The following IRF1 variants were observed in gnomAD, a reference collection of about 807,000 sequenced individuals.
IRF1 encodes the protein interferon regulatory factor-1.
In IRF1, 13 loss-of-function variants were observed where a neutral mutation model predicts 43.7. The observed-to-expected ratio is 0.30, with a 90% CI of 0.19 to 0.47. The LOEUF is 0.47. IRF1 is among the 20% of genes least tolerant of loss of function. The probability of loss-of-function intolerance (pLI) is 0.99; values close to 1 mark genes in which losing one functional copy is unlikely to be tolerated. For missense variants in IRF1, 236 were observed against 408.9 expected (o/e 0.58, Z 3.65); for synonymous variants, 138 against 146.8 (o/e 0.94, Z 0.43).
In IRF1 at chr5:132,486,236, C is replaced by A; in HGVS notation, c.667+15G>T. On this transcript the variant is annotated intron_variant, in intron 7 of 9. Coordinates refer to ENST00000245414, the MANE Select transcript of IRF1 (RefSeq NM_002198.3). ...AGACAGTCAAGCAGGCAGGCCAGGC[C>A]CCAGGAGCACCAACCTTCAGAGGTG... 6.2e-7 allele frequency: 1 copy of A among 1,612,558 alleles called. No individual in the cohort carries two copies. Among genetic ancestry groups the A allele is most frequent in the East Asian group, 2.2e-5 (1 of 44,840 alleles).
rs756777181 is a variant in IRF1, at chr5:132,484,051, C to G, written c.878G>C (p.Arg293Pro). ...CATGTTCTTCAGATCTGTGAAGACA[C>G]GCTGTAGACTCAGCCCAATATCCCC... ...PGGDIGLSLQ[R>P]VFTDLKNMDA... is the part of the protein sequence containing the mutation. Residue 293 changes from arginine (R) to proline (P), a missense_variant, in exon 10 of 10, where the codon CGT becomes CCT. Transcript: ENST00000245414. The G allele has an allele frequency of 2.5e-6, 4 of 1,613,946 alleles. No homozygotes were observed. The highest frequency in any genetic ancestry group is 3.4e-6 in the Non-Finnish European group (4 of 1,179,954).
chr5:132,485,828 G>GACAC lies in IRF1; in HGVS notation c.668-116_668-113dup, dbSNP rs41498144. On this transcript the variant is annotated intron_variant, in intron 7 of 9. Coordinates refer to ENST00000245414, the MANE Select transcript of IRF1 (RefSeq NM_002198.3). ...CCTTTCTCTGTCTCTCTGTCTCTCT[G>GACAC]ACACACACACACACACACACACCCT... is the stretch of plus-strand genomic sequence containing the variant. 6.8e-3 allele frequency: 3,789 copies of GACAC among 553,816 alleles called. 18 individuals carry two copies. Among genetic ancestry groups the GACAC allele is most frequent in the African/African-American group, 0.031 (1,163 of 37,350 alleles). 34.3% of individuals were successfully genotyped at this position (553,816 alleles called of 1,614,324 possible).
At chr5:132,486,148 C>T (rs766761096) in intron 7 of IRF1, 103 bp downstream of exon 7, 1 of 1,482,158 alleles carries the variant, frequency 6.7e-7, no homozygotes, top group Admixed American at 1.7e-5. Context: ...CCAACTCAAT[C>T]AATTCAGTGC....
intron 8 of IRF1, chr5:132,484,834 TG>T: frequency 4.8e-6 from 1 of 208,098 alleles, no homozygotes; most frequent in Non-Finnish European, 9.6e-6. Flanking sequence ...CAAGAAAAGA[TG>T]ACTAGAAAAG....
rs1754435929 is a variant in IRF1 at position 132,483,332 on chromosome 5, GAA to G, written c.*617_*618del. ...AAATGTTAGTGTACACCTCTGATCA[GAA>G]ATGTGGCAAGATCCACACGAAAAAG... On this transcript the variant is annotated 3_prime_UTR_variant, in exon 10 of 10. Transcript: ENST00000245414. The G allele has an allele frequency of 6.5e-6, 1 of 152,774 alleles. No homozygotes were observed. The highest frequency in any genetic ancestry group is 6.5e-5 in the Admixed American group (1 of 15,280). The allele number at this position is 152,774 out of a possible 1,614,324, so 9.5% of individuals were successfully genotyped here.
rs1023440444 is a variant in IRF1, at chr5:132,483,481, A to C, written c.*470T>G. ...CTTCACATTTCACTGGCTTTGGAAC[A>C]GTCCCCAGGGCTCAGCTGAAAAGGG... On this transcript the variant is annotated 3_prime_UTR_variant, in exon 10 of 10. Coordinates refer to ENST00000245414, the MANE Select transcript of IRF1 (RefSeq NM_002198.3). The C allele has an allele frequency of 3.2e-5, 5 of 154,628 alleles. No individual in the cohort carries two copies. Among genetic ancestry groups the C allele is most frequent in the African/African-American group, 4.8e-5 (2 of 41,470 alleles). 9.6% of individuals were successfully genotyped at this position (154,628 alleles called of 1,614,324 possible). A position where few individuals can be genotyped will look rare whatever the true frequency, so the allele number is the denominator to read the frequency against.
rs1460147741 is a variant in IRF1 at position 132,490,560 on chromosome 5, G to A, written c.-21C>T. The A allele has an allele frequency of 6.6e-6, 1 of 152,146 alleles. No individual in the cohort carries two copies. The highest frequency in any genetic ancestry group is 2.4e-5 in the African/African-American group (1 of 41,450). 9.4% of individuals were successfully genotyped at this position (152,146 alleles called of 1,614,324 possible). On this transcript the variant is annotated 5_prime_UTR_variant, in exon 1 of 10. Coordinates refer to ENST00000245414, the MANE Select transcript of IRF1 (RefSeq NM_002198.3). The surrounding 1 kb of genome is among the most constrained non-coding windows in gnomAD (Gnocchi z 5.8). ...GCGTACTCACCTCTGCTGCAGGAGCGATTCGGCGGTCGCGCGCGAGGGTCC... is the reference window on the plus strand; with the variant it reads ...GCGTACTCACCTCTGCTGCAGGAGCAATTCGGCGGTCGCGCGCGAGGGTCC...
rs547660513 is a variant in IRF1 at position 132,488,925 on chromosome 5, G to T, written c.87+467C>A. ...ACTATCATTGCTACTAAGTCTATAG[G>T]GTCTATGTTGCCCCAAGTGCACCAG... On this transcript the variant is annotated intron_variant, in intron 2 of 9. Coordinates refer to ENST00000245414, the MANE Select transcript of IRF1 (RefSeq NM_002198.3). 3.9e-5 allele frequency: 7 copies of T among 178,704 alleles called. No individual in the cohort carries two copies. In the South Asian group the frequency reaches 8.4e-4, roughly 21 times the overall value. 11.1% of individuals were successfully genotyped at this position (178,704 alleles called of 1,614,324 possible).
In IRF1 at chr5:132,490,401, G is replaced by T. The variant is rs533446306; in HGVS notation, c.-6+144C>A. ...GCCCGCGGCTCGCAGCTCCTCCGGC[G>T]CCCCCCGGAGCCCGCGCGGAGGCCC... On this transcript the variant is annotated intron_variant, in intron 1 of 9. Transcript: ENST00000245414. The surrounding 1 kb of genome is among the most constrained non-coding windows in gnomAD (Gnocchi z 5.8). 2.9e-4 allele frequency: 44 copies of T among 149,554 alleles called. No individual in the cohort carries two copies. Among genetic ancestry groups the T allele is most frequent in the African/African-American group, 1.0e-3 (43 of 41,118 alleles). The allele number at this position is 149,554 out of a possible 1,614,324, so 9.3% of individuals were successfully genotyped here.
rs7701588 is a variant in IRF1 at position 132,484,278 on chromosome 5, T to C, written c.853+84A>G. On this transcript the variant is annotated intron_variant, in intron 9 of 9. Coordinates refer to ENST00000245414, the MANE Select transcript of IRF1 (RefSeq NM_002198.3). ...TACCCCAGATGCTTTACCGCCCTGCTCCCTGGCCCTGCCCCCAAGCTTTCT... is the reference window on the plus strand; with the variant it reads ...TACCCCAGATGCTTTACCGCCCTGCCCCCTGGCCCTGCCCCCAAGCTTTCT... The C allele has an allele frequency of 0.34, 508,721 of 1,517,182 alleles. 86,768 individuals carry two copies. Among genetic ancestry groups the C allele is most frequent in the African/African-American group, 0.48 (34,678 of 71,840 alleles). The allele number at this position is 1,517,182 out of a possible 1,614,324, so 94.0% of individuals were successfully genotyped here.
intron 3 of IRF1, chr5:132,487,600 G>A (rs779426253): frequency 7.5e-5 from 30 of 398,686 alleles, no homozygotes; most frequent in African/African-American, 6.1e-5. Flanking sequence ...TGGTCAACAC[G>A]AAGAAAAAGG....
chr5:132,488,689 C>T (rs1289500705), intron 2 of IRF1: 2 of 152,766 alleles, frequency 1.3e-5, no homozygotes, highest in Non-Finnish European at 2.9e-5. Context: ...TGAGTCAGAC[C>T]GTTCAAGTTC....
intron 1 of IRF1, chr5:132,489,714 T>C (rs977610986): frequency 1.7e-5 from 8 of 468,938 alleles, no homozygotes; most frequent in African/African-American, 1.2e-4. Flanking sequence ...AGCCAGTCTC[T>C]GGAGGAGACA....
At chr5:132,487,681 T>C (rs1030994778) in intron 3 of IRF1, 5 of 530,654 alleles carry the variant, frequency 9.4e-6, no homozygotes, top group African/African-American at 1.9e-5. Context: ...GGGAGAACTT[T>C]CATCTAGCCA....
Position 132,487,108 on chromosome 5 carries a change from C to T in IRF1, c.210G>A (p.Lys70=). 1 of 1,614,208 alleles carries T rather than the reference C, an allele frequency of 6.2e-7. No individual in the cohort carries two copies. The highest frequency in any genetic ancestry group is 1.1e-5 in the South Asian group (1 of 91,086). The change falls in exon 4 of 10, where the codon AAG becomes AAA. Residue 70 remains lysine (K), a synonymous_variant. Coordinates refer to ENST00000245414, the MANE Select transcript of IRF1 (RefSeq NM_002198.3). ...IHTGRYKAGE[K]EPDPKTWKAN... ...CCTTCCACGTCTTGGGATCTGGCTC[C>T]TTTTCCCCTGCTTTGTATCGGCCTA...
Position 132,485,730 on chromosome 5 carries a change from A to T in IRF1, c.668-14T>A, listed in dbSNP as rs1301504851. Reference sequence around the variant, plus strand: ...CATCTGTTGTAGCTGTGGATGGGGAAAGCAGAGAGGTTGGCTGGCAGTCAG... The same window carrying T: ...CATCTGTTGTAGCTGTGGATGGGGATAGCAGAGAGGTTGGCTGGCAGTCAG... On this transcript the variant is annotated splice_polypyrimidine_tract_variant and intron_variant, in intron 7 of 9. Transcript: ENST00000245414. The T allele has an allele frequency of 6.2e-7, 1 of 1,609,026 alleles. No homozygotes were observed. Among genetic ancestry groups the T allele is most frequent in the Admixed American group, 1.7e-5 (1 of 59,950 alleles).
intron 8 of IRF1, 50 bp downstream of exon 8, chr5:132,485,617 T>C: frequency 7.1e-7 from 1 of 1,407,360 alleles, no homozygotes; most frequent in Non-Finnish European, 1.0e-6. Context: ...TTCTCTCTCC[T>C]CACTGAGAAA....
At position 132,483,434 on chromosome 5, in the gene IRF1, C is replaced by T. The variant is rs839; in HGVS notation, c.*517G>A. The T allele has an allele frequency of 0.38, 57,896 of 153,326 alleles. 11,323 individuals are homozygous for T. The highest frequency in any genetic ancestry group is 0.49 in the African/African-American group (20,172 of 41,452). 9.5% of individuals were successfully genotyped at this position (153,326 alleles called of 1,614,324 possible). On this transcript the variant is annotated 3_prime_UTR_variant, in exon 10 of 10. Coordinates refer to ENST00000245414, the MANE Select transcript of IRF1 (RefSeq NM_002198.3). Reference sequence around the variant, plus strand: ...AGCTCCTCTGAGGCTGAGGGAGCATCGCCCCGAAGGACCCCACTTTCCTTC... The same window carrying T: ...AGCTCCTCTGAGGCTGAGGGAGCATTGCCCCGAAGGACCCCACTTTCCTTC...
At chr5:132,488,096 A>C in intron 2 of IRF1, 71 bp from the exon 3 acceptor site, 3 of 1,171,460 alleles carry the variant, frequency 2.6e-6, no homozygotes, top group Non-Finnish European at 3.8e-6. Flanking sequence ...TGAGTCTGAG[A>C]CCCAGGCCTG....
Sources: gnomAD v4.1 joint callset for allele counts on GRCh38, gnomAD v4.1.1 for gene constraint, Gnocchi (gnomAD v3.1) non-coding constraint, MANE v1.5 for transcripts, NCBI Gene and HGNC (gene_info 2026-07-23, HGNC 2026-07-21) for gene names.